ZNF274: variants seen among roughly 807,000 people sequenced by gnomAD.
ZNF274 encodes the protein neurotrophin receptor-interacting factor homolog.
ZNF274 carries 23 observed loss-of-function variants against 42.5 expected under a neutral mutation model. The ratio of observed to expected loss-of-function variants is 0.54; its 90% CI spans 0.39 to 0.77. ZNF274 has a LOEUF of 0.77. ZNF274 is among the 30% of genes least tolerant of loss of function. The pLI is 0.00. For synonymous variants in ZNF274, 292 were observed against 305.4 expected, an observed-to-expected ratio of 0.96 and a Z score of 0.46; for missense variants, 679 against 806.5, an observed-to-expected ratio of 0.84 and a Z score of 1.91.
chr19:58,188,336 A>C (rs1196500614), intron 4 of ZNF274, among the ~76,000 whole-genome samples: 1 of 150,396 alleles, frequency 6.6e-6, no homozygotes, highest in Admixed American at 6.7e-5. Context: ...AGAAAATAAA[A>C]TAGGACAGGC....
intron 4 of ZNF274, among the ~76,000 whole-genome samples, chr19:58,203,579 C>CA (rs34444681): frequency 0.054 from 4,278 of 79,896 alleles, 180 homozygotes; most frequent in African/African-American, 0.15. Flanking sequence ...AACTCCGTCT[C>CA]AAAAAAAAAA....
intron 4 of ZNF274, among the ~76,000 whole-genome samples, chr19:58,201,197 A>C (rs984684219): frequency 8.9e-5 from 8 of 89,836 alleles, no homozygotes; most frequent in African/African-American, 2.7e-4. Context: ...TTTTTTGTGG[A>C]GATGGGGTTT....
chr19:58,210,902 G>A (rs1465990454), intron 6 of ZNF274: 1 of 152,342 alleles, frequency 6.6e-6, no homozygotes, highest in Non-Finnish European at 1.5e-5. Flanking sequence ...TTTTAATAGA[G>A]ACGGGGTTTC....
intron 4 of ZNF274, among the ~76,000 whole-genome samples, chr19:58,189,309 C>T (rs541888019): frequency 3.9e-5 from 6 of 152,282 alleles, no homozygotes; most frequent in African/African-American, 1.4e-4. Flanking sequence ...ATTATCCAAA[C>T]ACTTTAGTGT....
chr19:58,211,502 C>A lies in ZNF274; in HGVS notation c.853-58C>A. 2 of 1,557,752 alleles carry A rather than the reference C, an allele frequency of 1.3e-6. No individual in the cohort carries two copies. Among genetic ancestry groups the A allele is most frequent in the Non-Finnish European group, 8.7e-7 (1 of 1,147,532 alleles). ...ACCTCCCAGCTGGCCTTTCTTCTGCCCTCATTGACAACCCTCTGACCCTCT... is the reference window on the plus strand; with the variant it reads ...ACCTCCCAGCTGGCCTTTCTTCTGCACTCATTGACAACCCTCTGACCCTCT... On this transcript the variant is annotated intron_variant, in intron 6 of 7. Coordinates refer to ENST00000617501, the MANE Select transcript of ZNF274 (RefSeq NM_133502.3). This position sits in a 1 kb window ranked among gnomAD's most constrained non-coding sequence, Gnocchi z 4.8.
At chr19:58,196,525 GC>G (rs1763265046) in intron 4 of ZNF274, among the ~76,000 whole-genome samples, 1 of 151,938 alleles carries the variant, frequency 6.6e-6, no homozygotes, top group South Asian at 2.1e-4. Flanking sequence ...TCCTGCCACT[GC>G]AGAAAAAAAA....
In ZNF274 at chr19:58,213,155, G is replaced by C. The variant is rs776250349; in HGVS notation, c.*12G>C. The C allele has an allele frequency of 1.9e-6, 3 of 1,592,464 alleles. No homozygotes were observed. The highest frequency in any genetic ancestry group is 2.6e-6 in the Non-Finnish European group (3 of 1,168,612). The stretch of plus-strand genomic sequence containing the variant: ...AGCCTACCTCATAGCTCTCAAGCCA[G>C]TTGAAGAAACCTTGCCTTTTCAGCT... On this transcript the variant is annotated 3_prime_UTR_variant, in exon 8 of 8. Transcript: ENST00000617501.
intron 4 of ZNF274, among the ~76,000 whole-genome samples, chr19:58,205,126 C>T (rs557575033): frequency 1.3e-5 from 2 of 152,202 alleles, no homozygotes; most frequent in South Asian, 4.1e-4. Context: ...TCTTCATCTC[C>T]GAATAGCTCC....
intron 4 of ZNF274, among the ~76,000 whole-genome samples, chr19:58,196,750 G>A (rs2075847863): frequency 6.6e-6 from 1 of 152,172 alleles, no homozygotes; most frequent in Non-Finnish European, 1.5e-5. Flanking sequence ...TTTTATCCAA[G>A]AATAAGATGG....
chr19:58,187,058 G>T lies in ZNF274; in HGVS notation c.256+16G>T, dbSNP rs1413783261. On this transcript the variant is annotated intron_variant, in intron 4 of 7. Coordinates refer to ENST00000617501, the MANE Select transcript of ZNF274 (RefSeq NM_133502.3). The stretch of plus-strand genomic sequence containing the variant: ...ACCATTCCAGGTGAGAACCAGACAT[G>T]GGAAGCCCCCACAGGGAAGGGGCCA... 24 of 1,604,096 alleles carry T rather than the reference G, an allele frequency of 1.5e-5. No individual in the cohort carries two copies. Among genetic ancestry groups the T allele is most frequent in the Non-Finnish European group, 2.0e-5 (24 of 1,174,596 alleles).
intron 2 of ZNF274, chr19:58,184,536 C>A (rs1466938341): frequency 1.3e-5 from 2 of 155,622 alleles, no homozygotes; most frequent in African/African-American, 4.8e-5. Flanking sequence ...TGGTCTGGAA[C>A]TCTTGACCTA....
At chr19:58,204,099 A>AG (rs1200147125) in intron 4 of ZNF274, among the ~76,000 whole-genome samples, 1 of 152,108 alleles carries the variant, frequency 6.6e-6, no homozygotes, top group Non-Finnish European at 1.5e-5. Flanking sequence ...GGGAGAGGGG[A>AG]GGGGTTGGGA....
Position 58,212,126 on chromosome 19 carries a change from C to G in ZNF274, c.980-35C>G, listed in dbSNP as rs371847119. The G allele has an allele frequency of 1.5e-5, 24 of 1,568,470 alleles. No homozygotes were observed. The African/African-American group carries it at 3.3e-4, about 21-fold the overall frequency. ...CTCAGACCCATCCCAGCACATCTCT[C>G]TATGGGATCCACATCTTTTGTTTAT... On this transcript the variant is annotated intron_variant, in intron 7 of 7. Coordinates refer to ENST00000617501, the MANE Select transcript of ZNF274 (RefSeq NM_133502.3). This position sits in a 1 kb window ranked among gnomAD's most constrained non-coding sequence, Gnocchi z 4.6.
At chr19:58,186,662 A>G (rs968495508) in intron 3 of ZNF274, among the ~76,000 whole-genome samples, 4 of 152,138 alleles carry the variant, frequency 2.6e-5, no homozygotes, top group African/African-American at 9.7e-5. Flanking sequence ...AACAAGGAGA[A>G]GGGGTAGCCC....
chr19:58,188,847 A>G (rs2075745232), intron 4 of ZNF274, among the ~76,000 whole-genome samples: 2 of 149,304 alleles, frequency 1.3e-5, no homozygotes, highest in African/African-American at 2.5e-5. Context: ...TGATCATGCC[A>G]CTGCACTCTA....
At chr19:58,201,593 T>C (rs2075912287) in intron 4 of ZNF274, among the ~76,000 whole-genome samples, 3 of 151,676 alleles carry the variant, frequency 2.0e-5, no homozygotes, top group Admixed American at 1.3e-4. Flanking sequence ...CTTAGCTCAC[T>C]GTAACCTCCA....
intron 4 of ZNF274, among the ~76,000 whole-genome samples, chr19:58,206,305 C>T (rs540420104): frequency 6.6e-6 from 1 of 152,288 alleles, no homozygotes; most frequent in East Asian, 1.9e-4. Flanking sequence ...TCACAATTTG[C>T]TTATACATCC....
At chr19:58,209,871 G>A (rs1398900451) in intron 5 of ZNF274, 90 bp from the exon 6 acceptor site, 11 of 762,476 alleles carry the variant, frequency 1.4e-5, no homozygotes, top group East Asian at 5.4e-5. Context: ...GCAGGGGTGC[G>A]GTGGCCCCAT....
At chr19:58,188,346 C>T (rs1215435420) in intron 4 of ZNF274, among the ~76,000 whole-genome samples, 1 of 151,482 alleles carries the variant, frequency 6.6e-6, no homozygotes, top group Non-Finnish European at 1.5e-5. Context: ...ATAGGACAGG[C>T]ACGGTGGCTC....
Sources: gnomAD v4.1 joint callset for allele counts (sites outside exome capture counted in the v4.1 genomes callset) on GRCh38, gnomAD v4.1.1 for gene constraint, Gnocchi (gnomAD v3.1) non-coding constraint, MANE v1.5 for transcripts, NCBI Gene and HGNC (gene_info 2026-07-23, HGNC 2026-07-21) for gene names.